BCL7A: variants seen among roughly 807,000 people sequenced by gnomAD.
The protein encoded by BCL7A is B-cell CLL/lymphoma 7 protein family member A.
Under a neutral mutation model 28.4 loss-of-function variants are expected in BCL7A, and 11 were observed. The ratio of observed to expected loss-of-function variants is 0.39; its 90% confidence interval spans 0.24 to 0.64. The LOEUF (loss-of-function observed/expected upper bound fraction) is 0.64. Among genes scored for constraint, BCL7A ranks in the 30% least tolerant of loss-of-function variants. The pLI, the probability that BCL7A is intolerant of heterozygous loss-of-function variation, is 0.50. For synonymous variants in BCL7A, 123 were observed against 103.3 expected, an observed-to-expected ratio of 1.19 and a Z score of -1.15; for missense variants, 222 against 274.8, an observed-to-expected ratio of 0.81 and a Z score of 1.36.
At chr12:122,041,897 C>T (rs571125114) in intron 3 of BCL7A, among the ~76,000 whole-genome samples, 6 of 152,088 alleles carry the variant, frequency 3.9e-5, no homozygotes, top group Non-Finnish European at 5.9e-5. Flanking sequence ...GGCGAAACCC[C>T]GTCTCTACTA....
Position 122,030,650 on chromosome 12 carries a change from C to T in BCL7A, c.93-50C>T. 3 of 1,542,628 alleles carry T rather than the reference C, an allele frequency of 1.9e-6. No homozygotes were observed. The South Asian group carries it at 3.4e-5, about 17-fold the overall frequency. On this transcript the variant is annotated intron_variant, in intron 1 of 5. Transcript: ENST00000261822. ...GCCCCAAGGGAGTGTGGCCTGTGTC[C>T]CCCAGGGATGAAGAGTCCCCGGTAA...
At chr12:122,037,321 A>T (rs1421249392) in intron 3 of BCL7A, among the ~76,000 whole-genome samples, 1 of 152,226 alleles carries the variant, frequency 6.6e-6, no homozygotes, top group Non-Finnish European at 1.5e-5. Flanking sequence ...AAGCTTTGGT[A>T]CAGCCAGGTA....
At chr12:122,038,169 C>T (rs1202345711) in intron 3 of BCL7A, among the ~76,000 whole-genome samples, 4 of 151,610 alleles carry the variant, frequency 2.6e-5, no homozygotes, top group South Asian at 2.1e-4. Flanking sequence ...CAGTGGCTCA[C>T]GCCTGTAATC....
rs770953312 is a variant in BCL7A at position 122,035,422 on chromosome 12, T to C, written c.266T>C (p.Met89Thr). 3.1e-6 allele frequency: 5 copies of C among 1,613,582 alleles called. No individual in the cohort carries two copies. The highest frequency in any genetic ancestry group is 4.2e-6 in the Non-Finnish European group (5 of 1,179,654). Reference sequence around the variant, plus strand: ...AGTTCCTCCCCAGGGATGATGGACATGCATGGTGAGTGCCCATGGCCTGCC... The same window carrying C: ...AGTTCCTCCCCAGGGATGATGGACACGCATGGTGAGTGCCCATGGCCTGCC... ...ENSSSPGMMD[M>T]HDDNSNQSSI... The change falls in exon 3 of 6, where the codon ATG (methionine) becomes ACG (threonine). Residue 89 changes from methionine (M) to threonine (T), a missense_variant. Transcript: ENST00000261822.
At chr12:122,044,102 C>T in intron 4 of BCL7A, 49 bp downstream of exon 4, 1 of 1,573,900 alleles carries the variant, frequency 6.4e-7, no homozygotes. Flanking sequence ...TGTAACCGGC[C>T]TTCAGGCAGT....
intron 1 of BCL7A, among the ~76,000 whole-genome samples, chr12:122,026,497 G>A (rs1047217920): frequency 6.6e-6 from 1 of 152,332 alleles, no homozygotes; most frequent in Admixed American, 6.5e-5. Context: ...CACCTGGTCT[G>A]AGGGTTCCCT....
chr12:122,044,152 C>A lies in BCL7A; in HGVS notation c.439+99C>A, dbSNP rs1179859373. 3 of 1,375,530 alleles carry A rather than the reference C, an allele frequency of 2.2e-6. 1 individual carries two copies. The highest frequency in any genetic ancestry group is 4.9e-5 in the East Asian group (2 of 40,850). 85.2% of individuals were successfully genotyped at this position (1,375,530 alleles called of 1,614,324 possible). ...TCCAGGAGGCCCTGTCATGTGCCAG[C>A]CCCAGCAAGGAGACAGTAAAGAGAG... On this transcript the variant is annotated intron_variant, in intron 4 of 5. Transcript: ENST00000261822.
intron 1 of BCL7A, among the ~76,000 whole-genome samples, chr12:122,026,941 T>A (rs1883640909): frequency 6.6e-6 from 1 of 152,216 alleles, no homozygotes. Context: ...CAGTTGGGGC[T>A]ATATTCCTAC....
intron 4 of BCL7A, among the ~76,000 whole-genome samples, chr12:122,047,391 T>C (rs1029411392): frequency 6.6e-6 from 1 of 151,710 alleles, no homozygotes; most frequent in Admixed American, 6.6e-5. Flanking sequence ...GGGCATGGTA[T>C]TGGGCGCCTG....
At chr12:122,051,592 C>T (rs1379466990) in intron 4 of BCL7A, among the ~76,000 whole-genome samples, 1 of 152,148 alleles carries the variant, frequency 6.6e-6, no homozygotes, top group Non-Finnish European at 1.5e-5. Context: ...GGGCCTGGCT[C>T]TCAGGAGAGG....
rs1951906085 is a variant in BCL7A, at chr12:122,059,828, AG to A, written c.*667del. ...CAGGCACCAGGGCCCAAGGACGCGC[AG>A]GTGTTGGGGCACAGTCCCCAAGGGC... On this transcript the variant is annotated 3_prime_UTR_variant, in exon 6 of 6. Coordinates refer to ENST00000261822, the MANE Select transcript of BCL7A (RefSeq NM_001024808.3). This position sits in a 1 kb window ranked among gnomAD's most constrained non-coding sequence, Gnocchi z 4.0. 3 of 231,776 alleles carry A rather than the reference AG, an allele frequency of 1.3e-5. No individual in the cohort carries two copies. Among genetic ancestry groups the A allele is most frequent in the African/African-American group, 2.2e-5 (1 of 45,234 alleles). 14.4% of individuals were successfully genotyped at this position (231,776 alleles called of 1,614,324 possible).
At chr12:122,025,419 T>A (rs538967238) in intron 1 of BCL7A, among the ~76,000 whole-genome samples, 148 of 148,954 alleles carry the variant, frequency 9.9e-4, no homozygotes, top group African/African-American at 3.7e-3. Flanking sequence ...GGTCAGGAGA[T>A]CAAGACCATC....
intron 4 of BCL7A, among the ~76,000 whole-genome samples, chr12:122,048,478 C>T (rs1271233699): frequency 6.6e-6 from 1 of 152,212 alleles, no homozygotes; most frequent in African/African-American, 2.4e-5. Context: ...TGGCCGGGTG[C>T]AGTGGCTCAT....
At chr12:122,045,433 C>T (rs914581774) in intron 4 of BCL7A, among the ~76,000 whole-genome samples, 2 of 151,894 alleles carry the variant, frequency 1.3e-5, no homozygotes, top group African/African-American at 4.8e-5. Context: ...CAGGCAGCGC[C>T]TCAGGTGTGG....
intron 2 of BCL7A, 131 bp downstream of exon 2, chr12:122,030,912 C>T (rs533813470): frequency 1.2e-5 from 11 of 884,298 alleles, no homozygotes; most frequent in Non-Finnish European, 1.6e-5. Context: ...AGTAGAAGGA[C>T]CCAGATTAGA....
At chr12:122,036,705 A>G (rs1276674936) in intron 3 of BCL7A, among the ~76,000 whole-genome samples, 1 of 137,012 alleles carries the variant, frequency 7.3e-6, no homozygotes, top group Non-Finnish European at 1.5e-5. Flanking sequence ...ATTCAAACCT[A>G]AAGCTCCTTT....
intron 4 of BCL7A, among the ~76,000 whole-genome samples, chr12:122,050,296 T>TGGG (rs1456332881): frequency 2.0e-5 from 2 of 101,200 alleles, no homozygotes; most frequent in African/African-American, 1.0e-4. Flanking sequence ...CCTTCTTTAT[T>TGGG]GTGGGGGGGG....
chr12:122,035,534 G>C, intron 3 of BCL7A, 107 bp downstream of exon 3: 1 of 1,015,232 alleles, frequency 9.8e-7, no homozygotes, highest in Non-Finnish European at 1.5e-6. Context: ...TCCAGGCAAG[G>C]GGTAGGAGGG....
chr12:122,031,039 C>G (rs562675177), intron 2 of BCL7A, among the ~76,000 whole-genome samples: 1 of 151,968 alleles, frequency 6.6e-6, no homozygotes, highest in Non-Finnish European at 1.5e-5. Context: ...TCTTCTTCTT[C>G]TTTTTGATAC....
Sources: allele counts gnomAD v4.1 joint callset (sites outside exome capture counted in the v4.1 genomes callset), GRCh38; gene constraint gnomAD v4.1.1; non-coding constraint Gnocchi (gnomAD v3.1); transcripts MANE v1.5; gene names NCBI Gene and HGNC (gene_info 2026-07-23, HGNC 2026-07-21).